RBMS3: variants seen among roughly 807,000 people sequenced by gnomAD.
RBMS3 encodes RNA-binding motif, single-stranded-interacting protein 3.
A neutral mutation model predicts 66.8 loss-of-function variants in RBMS3; 27 were observed. That is an observed-to-expected ratio of 0.40 (90% confidence interval 0.30 to 0.56). The LOEUF (loss-of-function observed/expected upper bound fraction) is 0.56. Ranked by LOEUF, RBMS3 falls within the 20% of genes least tolerant of loss-of-function variation. RBMS3 has a pLI of 0.40. For synonymous variants in RBMS3, 188 were observed against 183.0 expected (o/e 1.03, Z -0.22); for missense variants, 513 against 549.5 (o/e 0.93, Z 0.66).
chr3:29,638,870 C>A (rs1052016015), intron 4 of RBMS3, among the ~76,000 whole-genome samples: 1 of 151,694 alleles, frequency 6.6e-6, no homozygotes, highest in African/African-American at 2.4e-5. Flanking sequence ...GACATTGCTT[C>A]GAGCTGGAAA....
At chr3:29,886,579 C>G (rs2149584608) in intron 8 of RBMS3, among the ~76,000 whole-genome samples, 1 of 151,906 alleles carries the variant, frequency 6.6e-6, no homozygotes. Context: ...GATTAACAAG[C>G]CAACAAGTTT....
intron 6 of RBMS3, among the ~76,000 whole-genome samples, chr3:29,823,799 A>G (rs2149478267): frequency 6.6e-6 from 1 of 152,300 alleles, no homozygotes; most frequent in South Asian, 2.1e-4. Flanking sequence ...TAGGAATGAA[A>G]TGAAACTGTT....
intron 3 of RBMS3, among the ~76,000 whole-genome samples, chr3:29,496,772 A>G (rs887366733): frequency 6.6e-6 from 1 of 152,222 alleles, no homozygotes; most frequent in African/African-American, 2.4e-5. Flanking sequence ...ATAGGTATTT[A>G]TGTTTTGGAA....
chr3:29,396,441 G>A (rs9850841), intron 1 of RBMS3, among the ~76,000 whole-genome samples: 3,548 of 152,158 alleles, frequency 0.023, 63 homozygotes, highest in Middle Eastern at 0.038. Flanking sequence ...TGGCAAAATT[G>A]GAGTACTAAT....
chr3:29,462,789 T>G (rs2042413648), intron 2 of RBMS3, among the ~76,000 whole-genome samples: 1 of 152,236 alleles, frequency 6.6e-6, no homozygotes, highest in African/African-American at 2.4e-5. Context: ...TAGAGCTCTT[T>G]AATTATTGGT....
intron 10 of RBMS3, among the ~76,000 whole-genome samples, chr3:29,909,711 C>A (rs1171480784): frequency 2.0e-5 from 3 of 152,120 alleles, no homozygotes; most frequent in African/African-American, 7.2e-5. Context: ...GCCACTGTTT[C>A]TATACCCAGT....
Position 29,450,928 on chromosome 3 carries a change from CACA to C in RBMS3, c.248+16014_248+16016del, listed in dbSNP as rs1559371632. On this transcript the variant is annotated intron_variant, in intron 2 of 14. Coordinates refer to ENST00000383767, the MANE Select transcript of RBMS3 (RefSeq NM_001003793.3). ...ACACACACACACACACACACACACA[CACA>C]CCCCCCACACACACACATGGTGTCT... 5.8e-3 allele frequency among the ~76,000 whole-genome samples: 572 copies of C among 99,320 alleles called. 2 individuals are homozygous for C. The highest frequency in any genetic ancestry group is 0.018 in the South Asian group (58 of 3,140). The allele number at this position is 99,320 out of a possible 152,430, so 65.2% of individuals were successfully genotyped here.
At chr3:29,696,318 G>A (rs2052273010) in intron 4 of RBMS3, among the ~76,000 whole-genome samples, 1 of 152,120 alleles carries the variant, frequency 6.6e-6, no homozygotes, top group Admixed American at 6.6e-5. Flanking sequence ...CAATCTCAGA[G>A]GTAAGATAAA....
chr3:29,540,805 G>A (rs1251530566), intron 3 of RBMS3, among the ~76,000 whole-genome samples: 1 of 152,144 alleles, frequency 6.6e-6, no homozygotes, highest in Non-Finnish European at 1.5e-5. Flanking sequence ...ATGTCTGGGA[G>A]CAGAAAACTG....
At chr3:29,421,713 A>C (rs1324606498) in intron 1 of RBMS3, among the ~76,000 whole-genome samples, 2 of 152,200 alleles carry the variant, frequency 1.3e-5, no homozygotes, top group Admixed American at 6.5e-5. Context: ...TCTAACTACT[A>C]TCAGTAGCTA....
intron 1 of RBMS3, among the ~76,000 whole-genome samples, chr3:29,370,022 C>G (rs943034265): frequency 3.9e-5 from 6 of 152,068 alleles, no homozygotes; most frequent in African/African-American, 1.4e-4. Context: ...TAACAAATAG[C>G]CCAAAGAAAT....
At chr3:29,327,524 A>G (rs1439348875) in intron 1 of RBMS3, among the ~76,000 whole-genome samples, 1 of 152,168 alleles carries the variant, frequency 6.6e-6, no homozygotes, top group Non-Finnish European at 1.5e-5. Context: ...ACTTAATATT[A>G]TCACTATTAT....
chr3:29,732,210 G>C (rs978099896), intron 4 of RBMS3, among the ~76,000 whole-genome samples: 1 of 152,154 alleles, frequency 6.6e-6, no homozygotes, highest in African/African-American at 2.4e-5. Context: ...AGGCTGTCAG[G>C]TTCAAGACTC....
intron 14 of RBMS3, among the ~76,000 whole-genome samples, chr3:29,992,595 C>A (rs1698957494): frequency 6.6e-6 from 1 of 151,608 alleles, no homozygotes. Context: ...GAGCAAGACT[C>A]CGTCTCAAAA....
chr3:30,009,897 T>G lies in RBMS3; in HGVS notation c.*6035T>G, dbSNP rs1699913711. 2 of 152,142 alleles carry G rather than the reference T, an allele frequency of 1.3e-5. No individual in the cohort carries two copies. The highest frequency in any genetic ancestry group is 4.8e-5 in the African/African-American group (2 of 41,430). The allele number at this position is 152,142 out of a possible 1,614,324, so 9.4% of individuals were successfully genotyped here. A position where few individuals can be genotyped will look rare whatever the true frequency, so the allele number is the denominator to read the frequency against. On this transcript the variant is annotated 3_prime_UTR_variant, in exon 15 of 15. Transcript: ENST00000383767. ...TGTTATCTCTTCATATATAAAAAAA[T>G]AAGTTATTCCATGCTTTTCAGGAAC...
chr3:29,588,441 A>T lies in RBMS3; in HGVS notation c.399+1236A>T, dbSNP rs188757727. On this transcript the variant is annotated intron_variant, in intron 4 of 14. Coordinates refer to ENST00000383767, the MANE Select transcript of RBMS3 (RefSeq NM_001003793.3). ...AGATTTTGTTGAGATTGCTAACATTATTTGATAACATTTTCCAATTTTGAC... is the reference window on the plus strand; with the variant it reads ...AGATTTTGTTGAGATTGCTAACATTTTTTGATAACATTTTCCAATTTTGAC... Among the ~76,000 whole-genome samples the T allele has an allele frequency of 2.1e-4, 32 of 152,206 alleles. 1 individual carries two copies. In the East Asian group the frequency reaches 6.0e-3, roughly 28 times the overall value.
chr3:29,344,497 A>G (rs917889040), intron 1 of RBMS3, among the ~76,000 whole-genome samples: 1 of 152,200 alleles, frequency 6.6e-6, no homozygotes, highest in Non-Finnish European at 1.5e-5. Context: ...AACTGCTGGT[A>G]GAGAGCAAGT....
intron 6 of RBMS3, among the ~76,000 whole-genome samples, chr3:29,824,260 A>G (rs1477351834): frequency 6.6e-6 from 1 of 152,048 alleles, no homozygotes; most frequent in South Asian, 2.1e-4. Flanking sequence ...AAGAGTTCTG[A>G]GGGAGCTTAT....
At chr3:29,358,305 C>T (rs2037351693) in intron 1 of RBMS3, among the ~76,000 whole-genome samples, 1 of 152,252 alleles carries the variant, frequency 6.6e-6, no homozygotes, top group East Asian at 1.9e-4. Flanking sequence ...AATAGGAAAT[C>T]CTTTACCCAT....
Sources: gnomAD v4.1 joint callset for allele counts (sites outside exome capture counted in the v4.1 genomes callset) on GRCh38, gnomAD v4.1.1 for gene constraint, MANE v1.5 for transcripts, NCBI Gene and HGNC (gene_info 2026-07-23, HGNC 2026-07-21) for gene names.